The following FRMD6 variants were observed in gnomAD, a reference collection of about 807,000 sequenced individuals.
FRMD6 encodes FERM domain-containing protein 6.
A neutral mutation model predicts 73.2 loss-of-function variants in FRMD6; 37 were observed. The observed-to-expected ratio is 0.51, with a 90% CI of 0.39 to 0.66. The LOEUF is 0.66. Ranked by LOEUF, FRMD6 falls within the 30% of genes least tolerant of loss-of-function variation. The probability of loss-of-function intolerance (pLI) is 0.00; values close to 1 mark genes in which losing one functional copy is unlikely to be tolerated. For missense variants in FRMD6, 714 were observed against 780.5 expected (o/e 0.91, Z 1.02); for synonymous variants, 273 against 282.2 (o/e 0.97, Z 0.33).
chr14:51,609,589 G>T lies in FRMD6; in HGVS notation c.-147+39179G>T, dbSNP rs530496219. The stretch of plus-strand genomic sequence containing the variant: ...AAGGAGGAGCAACATTCCTGGCAGA[G>T]AGAAAGGCATGCGTTCAATCAGAGA... On this transcript the variant is annotated intron_variant, in intron 2 of 14. Coordinates refer to the FRMD6 transcript ENST00000356218. Among the ~76,000 whole-genome samples, 8 of 152,298 alleles carry T rather than the reference G, an allele frequency of 5.3e-5. No individual in the cohort carries two copies. In the South Asian group the frequency reaches 1.7e-3, roughly 32 times the overall value.
chr14:51,593,822 T>C (rs959006787), intron 2 of FRMD6, among the ~76,000 whole-genome samples: 1 of 152,158 alleles, frequency 6.6e-6, no homozygotes, highest in African/African-American at 2.4e-5. Flanking sequence ...TATGTGTATA[T>C]ATAAATACAC....
intron 2 of FRMD6, among the ~76,000 whole-genome samples, chr14:51,692,361 C>T (rs993654036): frequency 6.6e-6 from 1 of 152,074 alleles, no homozygotes; most frequent in Non-Finnish European, 1.5e-5. Flanking sequence ...ACTTTTTATA[C>T]AGTTATATAA....
At chr14:51,579,576 T>G (rs1229811723) in intron 2 of FRMD6, among the ~76,000 whole-genome samples, 3 of 152,218 alleles carry the variant, frequency 2.0e-5, no homozygotes, top group Non-Finnish European at 4.4e-5. Context: ...TCTTGTTCTT[T>G]GTTGAATACC....
intron 2 of FRMD6, among the ~76,000 whole-genome samples, chr14:51,615,015 T>G (rs570225126): frequency 2.6e-5 from 4 of 152,324 alleles, no homozygotes; most frequent in Admixed American, 2.6e-4. Context: ...GGGATTTGAC[T>G]ACTCCACTGA....
intron 1 of FRMD6, among the ~76,000 whole-genome samples, chr14:51,688,502 C>T (rs1441655315): frequency 1.1e-4 from 17 of 152,020 alleles, no homozygotes; most frequent in Non-Finnish European, 1.5e-5. Context: ...TTAAGCAAAT[C>T]GGCCAAGATT....
At chr14:51,586,573 A>G (rs554202368) in intron 2 of FRMD6, among the ~76,000 whole-genome samples, 4 of 151,988 alleles carry the variant, frequency 2.6e-5, no homozygotes, top group East Asian at 1.9e-4. Context: ...AAGCCTTTTA[A>G]TTTAATTAAC....
At chr14:51,655,046 TAAA>T (rs111661238) in intron 1 of FRMD6, among the ~76,000 whole-genome samples, 8 of 131,770 alleles carry the variant, frequency 6.1e-5, no homozygotes, top group African/African-American at 5.5e-5. Flanking sequence ...TCTTTTAAAG[TAAA>T]AAAAAAAAAA....
chr14:51,479,825 G>A, the FRMD6 span, among the ~76,000 whole-genome samples: 11 of 152,286 alleles, frequency 7.2e-5, no homozygotes, highest in African/African-American at 2.6e-4. Flanking sequence ...GTCATCCAAG[G>A]TGAGAAAAAT....
chr14:51,704,990 G>A (rs1033257403), intron 6 of FRMD6, 55 bp downstream of exon 6: 49 of 1,489,832 alleles, frequency 3.3e-5, no homozygotes, highest in East Asian at 3.2e-4. Flanking sequence ...TTTCTAGTTC[G>A]TAGTGTTGCT....
the FRMD6 span, among the ~76,000 whole-genome samples, chr14:51,420,195 A>T: frequency 6.6e-6 from 1 of 152,232 alleles, no homozygotes; most frequent in Non-Finnish European, 1.5e-5. Flanking sequence ...ACTGCATGGA[A>T]CAAAGACTGT....
chr14:51,672,718 T>A (rs1261418402), intron 1 of FRMD6, among the ~76,000 whole-genome samples: 2 of 152,218 alleles, frequency 1.3e-5, no homozygotes, highest in Non-Finnish European at 2.9e-5. Flanking sequence ...GTTATCTATT[T>A]CGTCTTGAAT....
chr14:51,453,294 T>C, the FRMD6 span, among the ~76,000 whole-genome samples: 142,001 of 152,072 alleles, frequency 0.93, 66,565 homozygotes, highest in African/African-American at 0.97. Flanking sequence ...GCAGGGAGGA[T>C]CCAACATACT....
intron 2 of FRMD6, among the ~76,000 whole-genome samples, chr14:51,636,410 CCTGA>C (rs1344851865): frequency 6.6e-6 from 1 of 152,090 alleles, no homozygotes; most frequent in Admixed American, 6.5e-5. Flanking sequence ...GAGATCACTG[CCTGA>C]CTGTTGGTCC....
chr14:51,504,113 T>C lies in FRMD6; in HGVS notation c.-210+14693T>C, dbSNP rs1050350577. ...TTTCTGATTGTGTTTATTTTATTCT[T>C]CTTTATTAGTCTAGCTAGGTTTCTA... is the stretch of plus-strand genomic sequence containing the variant. On this transcript the variant is annotated intron_variant, in intron 1 of 14. Coordinates refer to the FRMD6 transcript ENST00000356218. Among the ~76,000 whole-genome samples, 9 of 152,328 alleles carry C rather than the reference T, an allele frequency of 5.9e-5. No individual in the cohort carries two copies. The East Asian group carries it at 7.7e-4, about 13-fold the overall frequency.
chr14:51,714,468 T>A (rs1897132405), intron 9 of FRMD6: 1 of 152,232 alleles, frequency 6.6e-6, no homozygotes, highest in Admixed American at 6.5e-5. Context: ...AATACTCCTT[T>A]TTGTATTTCG....
At chr14:51,573,029 A>G (rs773539804) in intron 2 of FRMD6, among the ~76,000 whole-genome samples, 9 of 152,162 alleles carry the variant, frequency 5.9e-5, no homozygotes, top group Non-Finnish European at 8.8e-5. Context: ...ACACACAAAA[A>G]TCATCTGAGA....
chr14:51,477,737 C>CT, the FRMD6 span, among the ~76,000 whole-genome samples: 1,941 of 133,990 alleles, frequency 0.014, 22 homozygotes, highest in African/African-American at 0.029. Flanking sequence ...TTTTCTTTTT[C>CT]TTTTTTTTTT....
chr14:51,699,279 C>A (rs947281379), intron 3 of FRMD6, among the ~76,000 whole-genome samples: 8 of 152,074 alleles, frequency 5.3e-5, no homozygotes, highest in African/African-American at 1.9e-4. Flanking sequence ...AACAATAAAA[C>A]ACAGTTGCTA....
At chr14:51,438,226 A>T in the FRMD6 span, among the ~76,000 whole-genome samples, 2 of 152,342 alleles carry the variant, frequency 1.3e-5, no homozygotes, top group South Asian at 2.1e-4. Context: ...TTTAAAATAA[A>T]TTCTCTCTGA....
Sources: gnomAD v4.1 joint callset for allele counts (sites outside exome capture counted in the v4.1 genomes callset) on GRCh38, gnomAD v4.1.1 for gene constraint, MANE v1.5 for transcripts, NCBI Gene and HGNC (gene_info 2026-07-23, HGNC 2026-07-21) for gene names.